ATP6V1H: variants seen among roughly 807,000 people sequenced by gnomAD.
The protein encoded by ATP6V1H is V-type proton ATPase subunit H.
A neutral mutation model predicts 71.7 loss-of-function variants in ATP6V1H; 39 were observed. That is an observed-to-expected ratio of 0.54 (90% CI 0.42 to 0.71). ATP6V1H has a LOEUF of 0.71. Ranked by LOEUF, ATP6V1H falls within the 30% of genes least tolerant of loss-of-function variation. The probability of loss-of-function intolerance (pLI) is 0.00; values close to 1 mark genes in which losing one functional copy is unlikely to be tolerated. For synonymous variants in ATP6V1H, 192 were observed against 199.3 expected, an observed-to-expected ratio of 0.96 and a Z score of 0.31; for missense variants, 509 against 594.9, an observed-to-expected ratio of 0.86 and a Z score of 1.50.
At chr8:53,747,299 A>T (rs918634569) in intron 12 of ATP6V1H, among the ~76,000 whole-genome samples, 3 of 152,146 alleles carry the variant, frequency 2.0e-5, no homozygotes, top group Non-Finnish European at 4.4e-5. Context: ...ATGAAAGTCA[A>T]TATTTTTTAA....
intron 13 of ATP6V1H, among the ~76,000 whole-genome samples, chr8:53,728,590 T>G (rs1806898155): frequency 6.6e-6 from 1 of 152,212 alleles, no homozygotes. Flanking sequence ...GCAACAGAAT[T>G]CCATGCAGAT....
At chr8:53,766,293 T>C (rs1186672549) in intron 11 of ATP6V1H, among the ~76,000 whole-genome samples, 1 of 152,246 alleles carries the variant, frequency 6.6e-6, no homozygotes, top group African/African-American at 2.4e-5. Context: ...AAAGATTTCA[T>C]GGACACTTAT....
At chr8:53,783,400 A>G (rs532428995) in intron 9 of ATP6V1H, among the ~76,000 whole-genome samples, 51 of 151,966 alleles carry the variant, frequency 3.4e-4, no homozygotes, top group Non-Finnish European at 6.2e-4. Flanking sequence ...CACCTTTATC[A>G]TTTTTTATTG....
intron 5 of ATP6V1H, among the ~76,000 whole-genome samples, chr8:53,816,680 CA>C (rs1197938152): frequency 6.6e-6 from 1 of 152,064 alleles, no homozygotes; most frequent in Non-Finnish European, 1.5e-5. Flanking sequence ...CCTGTAATCC[CA>C]GCTACTCAGG....
intron 2 of ATP6V1H, chr8:53,839,482 A>G (rs1268208748): frequency 2.0e-6 from 1 of 496,078 alleles, no homozygotes; most frequent in African/African-American, 2.1e-5. Context: ...AGGAATCCAG[A>G]AGTCATCCAA....
intron 11 of ATP6V1H, among the ~76,000 whole-genome samples, chr8:53,768,828 A>C (rs1275058923): frequency 6.6e-6 from 1 of 152,174 alleles, no homozygotes; most frequent in Non-Finnish European, 1.5e-5. Context: ...GAAGCAATGA[A>C]AATGTTCTAA....
At chr8:53,720,632 T>C (rs1033580473) in intron 13 of ATP6V1H, among the ~76,000 whole-genome samples, 2 of 152,270 alleles carry the variant, frequency 1.3e-5, no homozygotes, top group African/African-American at 4.8e-5. Flanking sequence ...AAAACTATAA[T>C]TGAAGACACT....
At chr8:53,837,977 G>T (rs1380804262) in intron 2 of ATP6V1H, among the ~76,000 whole-genome samples, 2 of 152,122 alleles carry the variant, frequency 1.3e-5, no homozygotes, top group Non-Finnish European at 2.9e-5. Flanking sequence ...GGCCTCCGAA[G>T]CTGGTAAATG....
chr8:53,788,777 TTATGA>T (rs1269264725), intron 9 of ATP6V1H, among the ~76,000 whole-genome samples: 3 of 152,196 alleles, frequency 2.0e-5, no homozygotes, highest in African/African-American at 7.2e-5. Flanking sequence ...TACTGCGCCA[TTATGA>T]AACAGTTACA....
intron 2 of ATP6V1H, chr8:53,839,486 C>T: frequency 1.9e-6 from 1 of 536,488 alleles, no homozygotes. Context: ...ATCCAGAAGT[C>T]ATCCAAGACT....
At chr8:53,753,877 A>C (rs1352252205) in intron 12 of ATP6V1H, among the ~76,000 whole-genome samples, 1 of 152,220 alleles carries the variant, frequency 6.6e-6, no homozygotes, top group Non-Finnish European at 1.5e-5. Flanking sequence ...GCAGCTAACA[A>C]GTTAGCCTGC....
intron 4 of ATP6V1H, among the ~76,000 whole-genome samples, chr8:53,827,895 G>C (rs1810874188): frequency 6.6e-6 from 1 of 152,082 alleles, no homozygotes; most frequent in African/African-American, 2.4e-5. Flanking sequence ...AGTTTACTAA[G>C]GATAAAGACC....
chr8:53,828,813 G>A (rs1290183705), intron 4 of ATP6V1H, among the ~76,000 whole-genome samples: 3 of 151,986 alleles, frequency 2.0e-5, no homozygotes, highest in African/African-American at 7.3e-5. Flanking sequence ...TTTCCTTCAA[G>A]TCTCCTGAGA....
intron 9 of ATP6V1H, among the ~76,000 whole-genome samples, chr8:53,794,836 T>C (rs562349094): frequency 8.5e-5 from 13 of 152,302 alleles, no homozygotes; most frequent in South Asian, 8.3e-4. Context: ...ATACTAACAG[T>C]AACAACAATA....
At chr8:53,727,041 C>G (rs1806835727) in intron 13 of ATP6V1H, among the ~76,000 whole-genome samples, 1 of 152,244 alleles carries the variant, frequency 6.6e-6, no homozygotes, top group African/African-American at 2.4e-5. Context: ...GTTAGTTGAT[C>G]TGAGCTAGTC....
chr8:53,797,164 G>A (rs1809768143), intron 8 of ATP6V1H, among the ~76,000 whole-genome samples: 1 of 152,208 alleles, frequency 6.6e-6, no homozygotes, highest in African/African-American at 2.4e-5. Context: ...GCTTTGTGAT[G>A]CTGTGGCTGA....
chr8:53,738,961 G>T (rs1175717572), intron 13 of ATP6V1H, among the ~76,000 whole-genome samples: 1 of 151,900 alleles, frequency 6.6e-6, no homozygotes, highest in East Asian at 1.9e-4. Context: ...AGTTATATTT[G>T]TTTTTTTCAA....
intron 12 of ATP6V1H, among the ~76,000 whole-genome samples, chr8:53,755,942 A>G (rs1384485723): frequency 1.5e-5 from 2 of 135,796 alleles, no homozygotes; most frequent in African/African-American, 2.7e-5. Flanking sequence ...TATTTTTAGT[A>G]GAGACGGGGT....
chr8:53,778,568 C>A lies in ATP6V1H; in HGVS notation c.871-6401G>T, dbSNP rs1445370146. On this transcript the variant is annotated intron_variant, in intron 9 of 13. Transcript: ENST00000359530. ...AATGAAATCCTGTCATCTGCAGCAA[C>A]ATGGACAGAACTGGAGGTCATTATG... Among the ~76,000 whole-genome samples the A allele has an allele frequency of 2.6e-5, 4 of 152,252 alleles. No individual in the cohort carries two copies. The South Asian group carries it at 8.3e-4, about 32-fold the overall frequency.
Sources: gnomAD v4.1 joint callset for allele counts (sites outside exome capture counted in the v4.1 genomes callset) on GRCh38, gnomAD v4.1.1 for gene constraint, MANE v1.5 for transcripts, NCBI Gene and HGNC (gene_info 2026-07-23, HGNC 2026-07-21) for gene names.